The following PTPN21 variants were observed in gnomAD, a reference collection of about 807,000 sequenced individuals.
PTPN21 encodes the protein protein tyrosine phosphatase non-receptor type 21.
PTPN21 carries 77 observed loss-of-function variants against 131.8 expected under a neutral mutation model. The observed-to-expected ratio is 0.58, with a 90% CI of 0.49 to 0.71. The LOEUF (loss-of-function observed/expected upper bound fraction) is 0.71. PTPN21 is among the 30% of genes least tolerant of loss of function. The pLI is 0.00. For missense variants in PTPN21, 1,552 were observed against 1,527.1 expected, an observed-to-expected ratio of 1.02 and a Z score of -0.27; for synonymous variants, 715 against 621.3, an observed-to-expected ratio of 1.15 and a Z score of -2.24.
chr14:88,482,665 G>C (rs2077669489), intron 12 of PTPN21, among the ~76,000 whole-genome samples: 1 of 151,864 alleles, frequency 6.6e-6, no homozygotes, highest in African/African-American at 2.4e-5. Flanking sequence ...TGAGATCCCT[G>C]GGAAGCTCAC....
chr14:88,492,502 G>T (rs2077840276), intron 10 of PTPN21, among the ~76,000 whole-genome samples: 1 of 152,138 alleles, frequency 6.6e-6, no homozygotes, highest in African/African-American at 2.4e-5. Context: ...CCAGACCAGC[G>T]ATGGGGACTC....
chr14:88,483,388 T>C (rs993479101), intron 12 of PTPN21, among the ~76,000 whole-genome samples: 4 of 151,898 alleles, frequency 2.6e-5, no homozygotes, highest in African/African-American at 4.8e-5. Flanking sequence ...GGGGCCGGGA[T>C]TGCAAATACC....
intron 15 of PTPN21, among the ~76,000 whole-genome samples, chr14:88,470,711 GC>G (rs1313784725): frequency 6.6e-6 from 1 of 152,214 alleles, no homozygotes; most frequent in Admixed American, 6.5e-5. Flanking sequence ...AGGGCTGCCA[GC>G]CCCCTAGTCA....
intron 3 of PTPN21, 102 bp downstream of exon 3, chr14:88,516,990 A>C: frequency 7.4e-7 from 1 of 1,344,378 alleles, no homozygotes; most frequent in South Asian, 1.5e-5. Context: ...ATGTGGGGCG[A>C]GAGGGCAAAG....
At chr14:88,500,665 T>C in intron 8 of PTPN21, 118 bp downstream of exon 8, 1 of 700,584 alleles carries the variant, frequency 1.4e-6, no homozygotes, top group Non-Finnish European at 2.5e-6. Context: ...GGGAATTATT[T>C]CCATTTTTTA....
Position 88,505,385 on chromosome 14 carries a change from C to CA in PTPN21, c.449-15dup. 3 of 1,552,024 alleles carry CA rather than the reference C, an allele frequency of 1.9e-6. No individual in the cohort carries two copies. The highest frequency in any genetic ancestry group is 2.7e-6 in the Non-Finnish European group (3 of 1,131,940). On this transcript the variant is annotated splice_polypyrimidine_tract_variant and intron_variant, in intron 4 of 18. Coordinates refer to ENST00000556564, the MANE Select transcript of PTPN21 (RefSeq NM_007039.4). ...CACCAAAATCCGCTATATAGAATGA[C>CA]AAACATTCACGTTAATTATATTTAA...
At chr14:88,510,000 C>G (rs1047997332) in intron 3 of PTPN21, among the ~76,000 whole-genome samples, 1 of 152,206 alleles carries the variant, frequency 6.6e-6, no homozygotes, top group South Asian at 2.1e-4. Flanking sequence ...GGTGCCATTG[C>G]ACTCCAGCCT....
chr14:88,551,909 G>T (rs906283483), intron 1 of PTPN21: 3 of 152,316 alleles, frequency 2.0e-5, no homozygotes, highest in African/African-American at 7.2e-5. Flanking sequence ...TTTTATATCA[G>T]CTGGATTAGT....
At chr14:88,533,921 A>G (rs2078589966) in intron 2 of PTPN21, among the ~76,000 whole-genome samples, 1 of 152,146 alleles carries the variant, frequency 6.6e-6, no homozygotes, top group Non-Finnish European at 1.5e-5. Flanking sequence ...TTTCCAGAAG[A>G]AGGCATTGTT....
rs576552038 is a variant in PTPN21 at position 88,496,112 on chromosome 14, A to G, written c.932+301T>C. Among the ~76,000 whole-genome samples the G allele has an allele frequency of 4.6e-5, 7 of 152,366 alleles. No homozygotes were observed. In the South Asian group the frequency reaches 6.2e-4, roughly 14 times the overall value. ...GCAAAAATTCTTCAGATAGCTGGAA[A>G]AGCTGAATAATCTTTAATGACTCAA... On this transcript the variant is annotated intron_variant, in intron 10 of 18. Transcript: ENST00000556564.
intron 10 of PTPN21, among the ~76,000 whole-genome samples, chr14:88,489,931 A>T (rs2077797718): frequency 6.6e-6 from 1 of 151,646 alleles, no homozygotes. Flanking sequence ...GCCAGCAGAG[A>T]CCATCTCAGG....
At chr14:88,539,967 A>G (rs539611092) in intron 2 of PTPN21, among the ~76,000 whole-genome samples, 50 of 152,336 alleles carry the variant, frequency 3.3e-4, no homozygotes, top group African/African-American at 1.1e-3. Flanking sequence ...TCTACATATT[A>G]TTTCTAAGTG....
intron 8 of PTPN21, 48 bp from the exon 9 acceptor site, chr14:88,497,338 A>G (rs2077934891): frequency 1.4e-6 from 2 of 1,415,218 alleles, no homozygotes; most frequent in Non-Finnish European, 2.0e-6. Flanking sequence ...CCCATGGGGG[A>G]AACAAGGAGA....
At chr14:88,524,012 T>C (rs894583427) in intron 2 of PTPN21, among the ~76,000 whole-genome samples, 10 of 152,180 alleles carry the variant, frequency 6.6e-5, no homozygotes, top group African/African-American at 2.2e-4. Flanking sequence ...CCCATGTTCA[T>C]AGACTGAAAT....
intron 12 of PTPN21, among the ~76,000 whole-genome samples, chr14:88,481,546 A>T (rs1329028056): frequency 6.6e-6 from 1 of 152,128 alleles, no homozygotes; most frequent in Non-Finnish European, 1.5e-5. Flanking sequence ...CAATACTAAG[A>T]ATAGAAGGAG....
chr14:88,518,416 T>TATATATATA (rs2078334519), intron 2 of PTPN21, among the ~76,000 whole-genome samples: 2 of 7,808 alleles, frequency 2.6e-4, no homozygotes, highest in Non-Finnish European at 5.3e-4. Flanking sequence ...ATATATATAT[T>TATATATATA]TTTTTTTTTT....
At chr14:88,476,721 A>G (rs540132038) in intron 13 of PTPN21, among the ~76,000 whole-genome samples, 74 of 152,290 alleles carry the variant, frequency 4.9e-4, no homozygotes, top group Middle Eastern at 3.4e-3. Context: ...CTCAGCCCCA[A>G]CGTTCTTAAC....
At chr14:88,470,986 T>A (rs2077456588) in intron 15 of PTPN21, among the ~76,000 whole-genome samples, 1 of 152,220 alleles carries the variant, frequency 6.6e-6, no homozygotes, top group Non-Finnish European at 1.5e-5. Context: ...TGCTGAAGAT[T>A]TTGAAATATC....
intron 2 of PTPN21, among the ~76,000 whole-genome samples, chr14:88,547,175 C>T (rs1280449686): frequency 6.6e-6 from 1 of 151,976 alleles, no homozygotes; most frequent in Non-Finnish European, 1.5e-5. Flanking sequence ...ATTTACTGAA[C>T]ACATTCCACA....
Sources: allele counts gnomAD v4.1 joint callset (sites outside exome capture counted in the v4.1 genomes callset), GRCh38; gene constraint gnomAD v4.1.1; transcripts MANE v1.5; gene names NCBI Gene and HGNC (gene_info 2026-07-23, HGNC 2026-07-21).